CEP57L1: variants seen among roughly 807,000 people sequenced by gnomAD.
The protein encoded by CEP57L1 is centrosomal protein CEP57L1.
A neutral mutation model predicts 61.0 loss-of-function variants in CEP57L1; 37 were observed. That is an observed-to-expected ratio of 0.61 (90% CI 0.47 to 0.80). The LOEUF (loss-of-function observed/expected upper bound fraction) is 0.80, where lower values mean the gene tolerates loss of function less well. Ranked by LOEUF, CEP57L1 falls within the 30% of genes least tolerant of loss-of-function variation. CEP57L1 has a pLI of 0.00. For synonymous variants in CEP57L1, 137 were observed against 162.3 expected (o/e 0.84, Z 1.19); for missense variants, 422 against 524.7 (o/e 0.80, Z 1.91).
At chr6:109,127,817 A>G (rs1480044192) in intron 1 of CEP57L1, among the ~76,000 whole-genome samples, 1 of 149,756 alleles carries the variant, frequency 6.7e-6, no homozygotes, top group East Asian at 2.0e-4. Context: ...TTTAGTAGAG[A>G]CGAGGTTTCA....
At position 109,173,595 on chromosome 6, in the gene CEP57L1, A is replaced by T. The variant is rs1774504209; in HGVS notation, c.*10625A>T. On this transcript the variant is annotated 3_prime_UTR_variant, in exon 11 of 11. Coordinates refer to ENST00000517392, the MANE Select transcript of CEP57L1 (RefSeq NM_001271852.3). ...GCATGCCACCACACCTGGCTAATTA[A>T]AAAAAAAAAAAAATTTTTTTTTTTG... Among the ~76,000 whole-genome samples, 1 of 113,594 alleles carries T rather than the reference A, an allele frequency of 8.8e-6. No homozygotes were observed. Among genetic ancestry groups the T allele is most frequent in the Non-Finnish European group, 1.9e-5 (1 of 53,094 alleles). The allele number at this position is 113,594 out of a possible 152,430, so 74.5% of individuals were successfully genotyped here. A position where few individuals can be genotyped will look rare whatever the true frequency, so the allele number is the denominator to read the frequency against.
intron 1 of CEP57L1, 132 bp downstream of exon 1, chr6:109,095,707 G>A (rs1781610352): frequency 6.4e-6 from 3 of 465,328 alleles, no homozygotes; most frequent in Admixed American, 6.4e-5. Flanking sequence ...AGTGACTTGC[G>A]TGGGAAGGAC....
Position 109,174,109 on chromosome 6 carries a change from A to AAAAAAAAAAAAAC in CEP57L1, c.*11144_*11145insAAAAAAACAAAAA, listed in dbSNP as rs759389630. ...AGTGAGTCTTGGTCTCAAAAAAAAA[A>AAAAAAAAAAAAAC]AAAAACCTTGTGTTGGAAACCATCT... On this transcript the variant is annotated 3_prime_UTR_variant, in exon 11 of 11. Coordinates refer to ENST00000517392, the MANE Select transcript of CEP57L1 (RefSeq NM_001271852.3). 1.3e-5 allele frequency among the ~76,000 whole-genome samples: 2 copies of AAAAAAAAAAAAAC among 148,280 alleles called. No homozygotes were observed. Among genetic ancestry groups the AAAAAAAAAAAAAC allele is most frequent in the African/African-American group, 5.0e-5 (2 of 39,852 alleles).
At chr6:109,114,600 T>C (rs747977665) in intron 1 of CEP57L1, among the ~76,000 whole-genome samples, 3 of 152,114 alleles carry the variant, frequency 2.0e-5, no homozygotes, top group Admixed American at 6.6e-5. Flanking sequence ...AAATACTCTG[T>C]AATCTCACTT....
At chr6:109,161,690 A>G (rs1279993064) in intron 10 of CEP57L1, among the ~76,000 whole-genome samples, 1 of 152,158 alleles carries the variant, frequency 6.6e-6, no homozygotes, top group Non-Finnish European at 1.5e-5. Context: ...AGATTATACA[A>G]CTTGTACACT....
In CEP57L1 at chr6:109,172,739, G is replaced by A. The variant is rs1476487935; in HGVS notation, c.*9769G>A. On this transcript the variant is annotated 3_prime_UTR_variant, in exon 11 of 11. Coordinates refer to ENST00000517392, the MANE Select transcript of CEP57L1 (RefSeq NM_001271852.3). ...TTTTCTGATTTAGTATCATTAGTTT[G>A]ATGACTAGTTTTATTATGTGAGTGT... 1.3e-5 allele frequency among the ~76,000 whole-genome samples: 2 copies of A among 152,134 alleles called. No homozygotes were observed. The highest frequency in any genetic ancestry group is 6.6e-5 in the Admixed American group (1 of 15,262).
rs372725619 is a variant in CEP57L1, at chr6:109,135,861, T to G, written c.-3-9358T>G. Among the ~76,000 whole-genome samples, 18 of 152,214 alleles carry G rather than the reference T, an allele frequency of 1.2e-4. 1 individual carries two copies. The highest frequency in any genetic ancestry group is 7.7e-4 in the East Asian group (4 of 5,180). On this transcript the variant is annotated intron_variant, in intron 1 of 10. Coordinates refer to ENST00000517392, the MANE Select transcript of CEP57L1 (RefSeq NM_001271852.3). The stretch of plus-strand genomic sequence containing the variant: ...AGAGAAATGCAAATCAAAACCACAG[T>G]GAGATAGCATCTCACACCAGTTAGA...
chr6:109,154,311 G>A (rs897313383), intron 5 of CEP57L1, among the ~76,000 whole-genome samples: 1 of 151,976 alleles, frequency 6.6e-6, no homozygotes, highest in Non-Finnish European at 1.5e-5. Context: ...ATTTTATAGG[G>A]TTTTCTCACA....
intron 1 of CEP57L1, among the ~76,000 whole-genome samples, chr6:109,125,507 T>C (rs867157316): frequency 5.1e-4 from 72 of 140,972 alleles, no homozygotes; most frequent in African/African-American, 1.8e-3. Flanking sequence ...TATATATATA[T>C]ACATATATAT....
chr6:109,108,399 A>G (rs937403923), intron 1 of CEP57L1, among the ~76,000 whole-genome samples: 10 of 152,032 alleles, frequency 6.6e-5, no homozygotes, highest in Non-Finnish European at 4.4e-5. Flanking sequence ...TTTAGCAGAG[A>G]CAGGGTTTCA....
intron 1 of CEP57L1, 104 bp from the exon 2 acceptor site, chr6:109,145,115 C>G: frequency 3.3e-6 from 2 of 613,082 alleles, no homozygotes; most frequent in East Asian, 5.8e-5. Context: ...TACAACTCCA[C>G]AGTATATGAT....
At chr6:109,128,573 G>T (rs1773833406) in intron 1 of CEP57L1, among the ~76,000 whole-genome samples, 1 of 152,124 alleles carries the variant, frequency 6.6e-6, no homozygotes, top group Admixed American at 6.6e-5. Context: ...ACCTGGTCAT[G>T]TTATTCCCTT....
chr6:109,108,208 A>G (rs761416137), intron 1 of CEP57L1, among the ~76,000 whole-genome samples: 14 of 151,792 alleles, frequency 9.2e-5, no homozygotes, highest in Non-Finnish European at 1.5e-4. Context: ...AAAGCTTATA[A>G]GGACTACAAT....
In CEP57L1 at chr6:109,171,485, A is replaced by G. The variant is rs1774405341; in HGVS notation, c.*8515A>G. ...GTCTCGAACTCCTGACCTTAGGTGA[A>G]CTGCCCGCCTCAGCCTCCCAAAGTG... On this transcript the variant is annotated 3_prime_UTR_variant, in exon 11 of 11. Transcript: ENST00000517392. Among the ~76,000 whole-genome samples, 1 of 151,480 alleles carries G rather than the reference A, an allele frequency of 6.6e-6. No homozygotes were observed. Among genetic ancestry groups the G allele is most frequent in the South Asian group, 2.1e-4 (1 of 4,770 alleles).
At chr6:109,103,998 A>G (rs1770626724) in intron 1 of CEP57L1, among the ~76,000 whole-genome samples, 1 of 151,596 alleles carries the variant, frequency 6.6e-6, no homozygotes, top group South Asian at 2.1e-4. Context: ...ACCCCTTGGA[A>G]TGAACAAATG....
chr6:109,114,406 G>GT (rs1329304842), intron 1 of CEP57L1, among the ~76,000 whole-genome samples: 5 of 151,776 alleles, frequency 3.3e-5, no homozygotes, highest in African/African-American at 1.2e-4. Context: ...TAATAGGGTT[G>GT]TTTTCTTGTT....
At chr6:109,110,457 T>C (rs1771469943) in intron 1 of CEP57L1, among the ~76,000 whole-genome samples, 1 of 152,216 alleles carries the variant, frequency 6.6e-6, no homozygotes, top group Non-Finnish European at 1.5e-5. Flanking sequence ...GCAAAAATTT[T>C]CTCCCATTCT....
At chr6:109,095,458 C>T (rs566996179), upstream of CEP57L1, 11 of 985,836 alleles carry the variant, frequency 1.1e-5, no homozygotes, top group African/African-American at 1.6e-4. Flanking sequence ...TTCGATGCTG[C>T]CGGCGCGTTT....
chr6:109,151,807 G>A (rs1314036836), intron 4 of CEP57L1, among the ~76,000 whole-genome samples: 1 of 152,114 alleles, frequency 6.6e-6, no homozygotes, highest in African/African-American at 2.4e-5. Flanking sequence ...TCTTCTTTAA[G>A]CACATTGAAG....
Sources: gnomAD v4.1 joint callset for allele counts (sites outside exome capture counted in the v4.1 genomes callset) on GRCh38, gnomAD v4.1.1 for gene constraint, MANE v1.5 for transcripts, NCBI Gene and HGNC (gene_info 2026-07-23, HGNC 2026-07-21) for gene names.